The following MGAT4D variants were observed in gnomAD, a reference collection of about 807,000 sequenced individuals.
MGAT4D encodes alpha-1,3-mannosyl-glycoprotein 4-beta-N-acetylglucosaminyltransferase-like protein MGAT4D.
A neutral mutation model predicts 15.9 loss-of-function variants in MGAT4D; 34 were observed. The ratio of observed to expected loss-of-function variants is 2.14; its 90% CI spans 1.62 to 2.84. The LOEUF (loss-of-function observed/expected upper bound fraction) is 2.84, where lower values mean the gene tolerates loss of function less well. MGAT4D is among the 30% of genes most tolerant of loss of function. The probability of loss-of-function intolerance (pLI) is 0.00; values close to 1 mark genes in which losing one functional copy is unlikely to be tolerated. For synonymous variants in MGAT4D, 112 were observed against 48.2 expected (o/e 2.33, Z -5.49); for missense variants, 327 against 140.2 (o/e 2.33, Z -6.73).
chr4:140,478,374 C>T (rs936495063), intron 3 of MGAT4D, among the ~76,000 whole-genome samples: 1 of 152,114 alleles, frequency 6.6e-6, no homozygotes, highest in Non-Finnish European at 1.5e-5. Flanking sequence ...TGTCTAATAT[C>T]TTATCATTTC....
intron 6 of MGAT4D, chr4:140,462,430 T>C (rs1225322943): frequency 6.5e-6 from 1 of 154,834 alleles, no homozygotes; most frequent in Non-Finnish European, 1.4e-5. Context: ...GTTAACTATC[T>C]GCTACAGAGT....
chr4:140,444,609 T>A (rs1310402300), intron 10 of MGAT4D, among the ~76,000 whole-genome samples: 1 of 152,240 alleles, frequency 6.6e-6, no homozygotes, highest in African/African-American at 2.4e-5. Context: ...ATTTTCCTTA[T>A]CCAGTCTATC....
At chr4:140,473,019 G>A (rs1335602846) in intron 4 of MGAT4D, among the ~76,000 whole-genome samples, 1 of 151,778 alleles carries the variant, frequency 6.6e-6, no homozygotes, top group Non-Finnish European at 1.5e-5. Flanking sequence ...GATAATAAAG[G>A]TTCTTCTTAA....
At chr4:140,453,715 C>G (rs1019322030) in intron 9 of MGAT4D, among the ~76,000 whole-genome samples, 4 of 151,772 alleles carry the variant, frequency 2.6e-5, no homozygotes, top group African/African-American at 9.7e-5. Flanking sequence ...TGGCAATTAC[C>G]CCCTGGCTTT....
At chr4:140,489,574 AT>A (rs1026851758) in intron 1 of MGAT4D, among the ~76,000 whole-genome samples, 1 of 152,082 alleles carries the variant, frequency 6.6e-6, no homozygotes, top group Non-Finnish European at 1.5e-5. Flanking sequence ...CAGTTTTACT[AT>A]TTTTGCAAGC....
At chr4:140,487,704 A>C (rs1224115316) in intron 1 of MGAT4D, among the ~76,000 whole-genome samples, 1 of 152,178 alleles carries the variant, frequency 6.6e-6, no homozygotes, top group African/African-American at 2.4e-5. Flanking sequence ...ATGTAATCCT[A>C]CCAAAACAGT....
Position 140,461,918 on chromosome 4 carries a change from C to CACAA in MGAT4D, c.762+10_762+11insTTGT, listed in dbSNP as rs1731210944. On this transcript the variant is annotated intron_variant, in intron 7 of 10. Transcript: ENST00000511113. Reference sequence around the variant, plus strand: ...ACACACACACACACACACACACACACAATTTCTGACCTGTAAATAATACTT... The same window carrying CACAA: ...ACACACACACACACACACACACACACACAAAATTTCTGACCTGTAAATAATACTT... 5 of 692,018 alleles carry CACAA rather than the reference C, an allele frequency of 7.2e-6. No homozygotes were observed. The highest frequency in any genetic ancestry group is 2.6e-6 in the Non-Finnish European group (1 of 380,122). The allele number at this position is 692,018 out of a possible 1,614,324, so 42.9% of individuals were successfully genotyped here.
chr4:140,473,440 A>G (rs1489206715), intron 4 of MGAT4D, among the ~76,000 whole-genome samples: 1 of 152,194 alleles, frequency 6.6e-6, no homozygotes, highest in South Asian at 2.1e-4. Context: ...TTGAGCACTT[A>G]CTATGTGCCA....
intron 1 of MGAT4D, among the ~76,000 whole-genome samples, chr4:140,496,925 T>C (rs1030482769): frequency 5.3e-5 from 8 of 152,188 alleles, no homozygotes; most frequent in Admixed American, 1.3e-4. Flanking sequence ...TTATTGTTCA[T>C]TGTGCTAAAA....
intron 1 of MGAT4D, among the ~76,000 whole-genome samples, chr4:140,496,711 C>T (rs1265009740): frequency 6.6e-6 from 1 of 152,036 alleles, no homozygotes. Context: ...GGCATGGTGG[C>T]ACATGCCTGT....
At chr4:140,488,901 C>G (rs1268552805) in intron 1 of MGAT4D, among the ~76,000 whole-genome samples, 1 of 152,100 alleles carries the variant, frequency 6.6e-6, no homozygotes, top group African/African-American at 2.4e-5. Context: ...TGCCTGCCTG[C>G]TCTGGCCTAG....
intron 1 of MGAT4D, among the ~76,000 whole-genome samples, chr4:140,489,890 T>C (rs1048228827): frequency 3.9e-5 from 6 of 152,224 alleles, no homozygotes. Context: ...ACAACATATA[T>C]GGTATAGGTA....
At chr4:140,488,011 CTG>C (rs1043507040) in intron 1 of MGAT4D, among the ~76,000 whole-genome samples, 1 of 152,202 alleles carries the variant, frequency 6.6e-6, no homozygotes, top group Admixed American at 6.6e-5. Flanking sequence ...TTGAGAAGGG[CTG>C]TGACAGACCA....
At chr4:140,485,797 C>A (rs1733073177) in intron 1 of MGAT4D, among the ~76,000 whole-genome samples, 2 of 45,518 alleles carry the variant, frequency 4.4e-5, no homozygotes, top group Non-Finnish European at 4.4e-5. Context: ...AGCAACAGAG[C>A]AAGACCCTGT....
At chr4:140,461,082 A>G (rs1731143389) in intron 7 of MGAT4D, among the ~76,000 whole-genome samples, 1 of 152,150 alleles carries the variant, frequency 6.6e-6, no homozygotes, top group Admixed American at 6.6e-5. Flanking sequence ...TTTAATATAT[A>G]TTATGCATAA....
chr4:140,446,998 A>G (rs1181937548), intron 10 of MGAT4D, among the ~76,000 whole-genome samples: 1 of 151,198 alleles, frequency 6.6e-6, no homozygotes, highest in Admixed American at 6.6e-5. Flanking sequence ...TTTAATTTCC[A>G]TGTAATTGTA....
intron 10 of MGAT4D, among the ~76,000 whole-genome samples, chr4:140,450,996 T>TG (rs1481046154): frequency 6.6e-6 from 1 of 152,190 alleles, no homozygotes; most frequent in East Asian, 1.9e-4. Context: ...TTTCTTCATC[T>TG]GGCAAAACGA....
At chr4:140,474,676 A>C (rs1034897858) in intron 4 of MGAT4D, 137 bp downstream of exon 4, 1 of 419,288 alleles carries the variant, frequency 2.4e-6, no homozygotes, top group African/African-American at 2.0e-5. Flanking sequence ...TCTGGTATCC[A>C]AAAAAGGCAT....
chr4:140,456,783 G>A (rs1730836019), intron 8 of MGAT4D, 64 bp from the exon 9 acceptor site: 3 of 539,332 alleles, frequency 5.6e-6, no homozygotes, highest in South Asian at 2.6e-5. Flanking sequence ...CTTTAACATG[G>A]GAAAAAGCAA....
Sources: gnomAD v4.1 joint callset for allele counts (sites outside exome capture counted in the v4.1 genomes callset) on GRCh38, gnomAD v4.1.1 for gene constraint, MANE v1.5 for transcripts, NCBI Gene and HGNC (gene_info 2026-07-23, HGNC 2026-07-21) for gene names.